CFDP1: variants seen among roughly 807,000 people sequenced by gnomAD.
CFDP1 encodes the protein heterochromatin-stabilizing protein CFDP1.
CFDP1 carries 31 observed loss-of-function variants against 40.1 expected under a neutral mutation model. The observed-to-expected ratio is 0.77, with a 90% CI of 0.58 to 1.04. The LOEUF (loss-of-function observed/expected upper bound fraction) is 1.04, where lower values mean the gene tolerates loss of function less well. Among genes scored for constraint, CFDP1 ranks in the 50% least tolerant of loss-of-function variants. The pLI, the probability that CFDP1 is intolerant of heterozygous loss-of-function variation, is 0.00. For missense variants in CFDP1, 423 were observed against 343.4 expected, an observed-to-expected ratio of 1.23 and a Z score of -1.83; for synonymous variants, 167 against 120.0, an observed-to-expected ratio of 1.39 and a Z score of -2.56.
intron 1 of CFDP1, among the ~76,000 whole-genome samples, chr16:75,424,534 TCAC>T: frequency 1.3e-5 from 2 of 152,042 alleles, no homozygotes; most frequent in East Asian, 3.8e-4. Context: ...GGCGGGCGGA[TCAC>T]GAGGTCAGGA....
At chr16:75,429,391 C>T (rs1017066020) in intron 1 of CFDP1, among the ~76,000 whole-genome samples, 1 of 152,144 alleles carries the variant, frequency 6.6e-6, no homozygotes, top group African/African-American at 2.4e-5. Flanking sequence ...TGGTGGCTCA[C>T]GCCTGTAATC....
intron 5 of CFDP1, among the ~76,000 whole-genome samples, chr16:75,378,076 A>G (rs2078817135): frequency 6.6e-6 from 1 of 152,172 alleles, no homozygotes; most frequent in African/African-American, 2.4e-5. Flanking sequence ...GGAAAGGCTG[A>G]GGGAATACCA....
At chr16:75,380,636 G>C (rs1331563052) in intron 5 of CFDP1, among the ~76,000 whole-genome samples, 1 of 152,110 alleles carries the variant, frequency 6.6e-6, no homozygotes, top group Non-Finnish European at 1.5e-5. Flanking sequence ...CGGGTAGGAA[G>C]AAAGGTCTCT....
intron 1 of CFDP1, among the ~76,000 whole-genome samples, chr16:75,432,394 T>A (rs1244735923): frequency 4.9e-4 from 42 of 84,968 alleles, no homozygotes; most frequent in Admixed American, 3.2e-3. Flanking sequence ...AAAAAAAAAA[T>A]TTAAAAAATT....
chr16:75,373,654 A>T (rs1406756270), intron 5 of CFDP1, among the ~76,000 whole-genome samples: 1 of 151,984 alleles, frequency 6.6e-6, no homozygotes, highest in African/African-American at 2.4e-5. Context: ...TATTCTTTTT[A>T]TTTTTATTTA....
chr16:75,400,065 C>T (rs570209999), intron 4 of CFDP1, among the ~76,000 whole-genome samples: 13 of 140,032 alleles, frequency 9.3e-5, no homozygotes, highest in Admixed American at 8.2e-4. Context: ...CGTGCCATTG[C>T]ACTCCAGCCT....
intron 5 of CFDP1, among the ~76,000 whole-genome samples, chr16:75,325,919 G>C (rs2078397888): frequency 6.6e-6 from 1 of 152,216 alleles, no homozygotes. Flanking sequence ...CAATAGCCTG[G>C]AAATTGTCCT....
At chr16:75,332,409 G>A (rs1170038324) in intron 5 of CFDP1, among the ~76,000 whole-genome samples, 2 of 152,206 alleles carry the variant, frequency 1.3e-5, no homozygotes, top group East Asian at 1.9e-4. Context: ...AAGTTGCAGT[G>A]AGCAGAGATT....
chr16:75,364,114 A>C (rs2078697768), intron 5 of CFDP1, among the ~76,000 whole-genome samples: 1 of 151,842 alleles, frequency 6.6e-6, no homozygotes, highest in South Asian at 2.1e-4. Context: ...TTTAAAGTGA[A>C]ATTAAAAAAA....
intron 5 of CFDP1, among the ~76,000 whole-genome samples, chr16:75,389,556 T>C (rs575843048): frequency 1.3e-5 from 2 of 152,228 alleles, no homozygotes; most frequent in Non-Finnish European, 2.9e-5. Context: ...ACAGGATGTT[T>C]TACTCTCCTG....
intron 1 of CFDP1, among the ~76,000 whole-genome samples, chr16:75,424,361 G>C (rs764688445): frequency 3.9e-5 from 6 of 152,146 alleles, no homozygotes; most frequent in Non-Finnish European, 8.8e-5. Flanking sequence ...ATGCTAAAGG[G>C]TTTAAACGGC....
chr16:75,408,622 C>A (rs1321428355), intron 4 of CFDP1, among the ~76,000 whole-genome samples: 37 of 151,688 alleles, frequency 2.4e-4, no homozygotes, highest in Non-Finnish European at 8.8e-5. Context: ...ACTAAAAATA[C>A]AAAAATTAGC....
chr16:75,324,270 G>T (rs1011689336), intron 5 of CFDP1, among the ~76,000 whole-genome samples: 2 of 152,124 alleles, frequency 1.3e-5, no homozygotes, highest in Admixed American at 1.3e-4. Flanking sequence ...GAATTTGCCA[G>T]GGGGACGAGC....
At chr16:75,408,050 G>C (rs558783046) in intron 4 of CFDP1, among the ~76,000 whole-genome samples, 1 of 151,634 alleles carries the variant, frequency 6.6e-6, no homozygotes, top group South Asian at 2.1e-4. Flanking sequence ...GCTGTAGTGA[G>C]CTGAGATTGT....
chr16:75,382,581 T>A (rs182721313), intron 5 of CFDP1, among the ~76,000 whole-genome samples: 1 of 152,354 alleles, frequency 6.6e-6, no homozygotes, highest in East Asian at 1.9e-4. Context: ...CGTGCCCTTT[T>A]GAAATGGTAT....
chr16:75,314,229 G>C (rs2078311579), intron 5 of CFDP1, among the ~76,000 whole-genome samples: 1 of 152,148 alleles, frequency 6.6e-6, no homozygotes, highest in Non-Finnish European at 1.5e-5. Flanking sequence ...AGAAAAGGAA[G>C]TGAATAACTA....
chr16:75,319,162 G>A (rs530079085), intron 5 of CFDP1, among the ~76,000 whole-genome samples: 5 of 152,264 alleles, frequency 3.3e-5, no homozygotes, highest in Non-Finnish European at 5.9e-5. Flanking sequence ...TCCAGCCTCA[G>A]ACTCCTGAGT....
At chr16:75,379,293 T>G (rs1489128216) in intron 5 of CFDP1, among the ~76,000 whole-genome samples, 1 of 150,718 alleles carries the variant, frequency 6.6e-6, no homozygotes, top group African/African-American at 2.4e-5. Context: ...GCTGGTTCTT[T>G]GAACAGATCA....
chr16:75,422,332 T>G (rs2079289718), intron 1 of CFDP1, among the ~76,000 whole-genome samples: 1 of 151,902 alleles, frequency 6.6e-6, no homozygotes, highest in Non-Finnish European at 1.5e-5. Flanking sequence ...CTTGACCTCG[T>G]GATCCACCTG....
Sources: allele counts gnomAD v4.1 joint callset (sites outside exome capture counted in the v4.1 genomes callset), GRCh38; gene constraint gnomAD v4.1.1; transcripts MANE v1.5; gene names NCBI Gene and HGNC (gene_info 2026-07-23, HGNC 2026-07-21).